CIT: variants seen among roughly 807,000 people sequenced by gnomAD.
The protein encoded by CIT is citron rho-interacting serine/threonine kinase.
A neutral mutation model predicts 272.7 loss-of-function variants in CIT; 79 were observed. The ratio of observed to expected loss-of-function variants is 0.29; its 90% CI spans 0.24 to 0.35. The LOEUF (loss-of-function observed/expected upper bound fraction) is 0.35. Among genes scored for constraint, CIT ranks in the 10% least tolerant of loss-of-function variants. CIT has a pLI of 1.00. For missense variants in CIT, 1,909 were observed against 2,618.3 expected, an observed-to-expected ratio of 0.73 and a Z score of 5.91; for synonymous variants, 948 against 995.6, an observed-to-expected ratio of 0.95 and a Z score of 0.90.
At chr12:119,819,619 T>A (rs1011128712) in intron 9 of CIT, among the ~76,000 whole-genome samples, 1 of 152,190 alleles carries the variant, frequency 6.6e-6, no homozygotes, top group Non-Finnish European at 1.5e-5. Flanking sequence ...CTAATGTTGC[T>A]TTTAACAAGG....
intron 13 of CIT, 183 bp downstream of exon 13, chr12:119,782,335 A>G (rs1964371660): frequency 3.6e-6 from 2 of 557,382 alleles, no homozygotes; most frequent in Non-Finnish European, 6.2e-6. Context: ...GCATTCTATG[A>G]TGTATATAAA....
chr12:119,692,377 T>C (rs1047079748), intron 46 of CIT, among the ~76,000 whole-genome samples: 7 of 152,254 alleles, frequency 4.6e-5, no homozygotes, highest in East Asian at 1.9e-4. Context: ...TGGAAGAGGC[T>C]ATAATTTTAT....
At chr12:119,834,020 A>C (rs1968827737) in intron 6 of CIT, 66 bp downstream of exon 6, 1 of 1,476,016 alleles carries the variant, frequency 6.8e-7, no homozygotes, top group Non-Finnish European at 9.2e-7. Flanking sequence ...ACTCATTTCC[A>C]TGCAGGAACT....
chr12:119,774,816 T>C (rs916480754), intron 16 of CIT, among the ~76,000 whole-genome samples: 2 of 151,016 alleles, frequency 1.3e-5, no homozygotes, highest in Non-Finnish European at 2.9e-5. Context: ...CTACAGAAAA[T>C]ACAGAAAATC....
At chr12:119,751,236 G>A (rs1029824952) in intron 23 of CIT, among the ~76,000 whole-genome samples, 1 of 152,074 alleles carries the variant, frequency 6.6e-6, no homozygotes, top group Non-Finnish European at 1.5e-5. Flanking sequence ...TGTGAAGATT[G>A]GCCACCCAGA....
At chr12:119,821,979 G>A (rs565521393) in intron 9 of CIT, among the ~76,000 whole-genome samples, 1 of 152,294 alleles carries the variant, frequency 6.6e-6, no homozygotes, top group African/African-American at 2.4e-5. Flanking sequence ...GAAGGTGCAA[G>A]CAATTATAAT....
Position 119,869,095 on chromosome 12 carries a change from A to T in CIT, c.203T>A (p.Met68Lys), listed in dbSNP as rs774709175. 6.2e-7 allele frequency: 1 copy of T among 1,612,424 alleles called. No homozygotes were observed. Among genetic ancestry groups the T allele is most frequent in the South Asian group, 1.1e-5 (1 of 90,652 alleles). The change falls in exon 3 of 48, where the codon ATG becomes AAG. Residue 68 changes from methionine (M) to lysine (K), a missense_variant. Transcript: ENST00000392521. ...AAAGTTGCTCACGTGCTTAATCTTC[A>T]TCAGAGCAGGCTGACTGCATTCTTC... Reference protein sequence around the residue: ...LFEECSQPALMKIKHVSNFVR... With the variant: ...LFEECSQPALKKIKHVSNFVR...
At chr12:119,853,477 C>T (rs1279860007) in intron 4 of CIT, among the ~76,000 whole-genome samples, 1 of 152,066 alleles carries the variant, frequency 6.6e-6, no homozygotes, top group Non-Finnish European at 1.5e-5. Context: ...CAGGGTCTCA[C>T]CATGTTACCT....
At chr12:119,795,108 G>C (rs575572078) in intron 10 of CIT, among the ~76,000 whole-genome samples, 1 of 152,204 alleles carries the variant, frequency 6.6e-6, no homozygotes, top group Non-Finnish European at 1.5e-5. Flanking sequence ...TGAGCCAGGC[G>C]TGGTGGCTCA....
Position 119,687,984 on chromosome 12 carries a change from T to G in CIT, c.*248A>C. On this transcript the variant is annotated 3_prime_UTR_variant, in exon 48 of 48. Coordinates refer to ENST00000392521, the MANE Select transcript of CIT (RefSeq NM_001206999.2). ...AAAGTTTGTGAATGCTTTGAAAGAGTAACAAAGTGCAAAGAGATGACTGCA... is the reference window on the plus strand; with the variant it reads ...AAAGTTTGTGAATGCTTTGAAAGAGGAACAAAGTGCAAAGAGATGACTGCA... 1 of 555,698 alleles carries G rather than the reference T, an allele frequency of 1.8e-6. No homozygotes were observed. Among genetic ancestry groups the G allele is most frequent in the Non-Finnish European group, 3.2e-6 (1 of 311,910 alleles). The allele number at this position is 555,698 out of a possible 1,614,324, so 34.4% of individuals were successfully genotyped here.
chr12:119,859,471 T>G (rs1809140738), intron 3 of CIT, among the ~76,000 whole-genome samples: 1 of 152,162 alleles, frequency 6.6e-6, no homozygotes. Flanking sequence ...GTGAGTGGCA[T>G]TTTAATGAAT....
chr12:119,784,365 G>C lies in CIT; in HGVS notation c.1402-314C>G, dbSNP rs1566039194. 7.8e-7 allele frequency: 1 copy of C among 1,289,804 alleles called. No individual in the cohort carries two copies. The highest frequency in any genetic ancestry group is 1.4e-5 in the South Asian group (1 of 70,638). 79.9% of individuals were successfully genotyped at this position (1,289,804 alleles called of 1,614,324 possible). On this transcript the variant is annotated intron_variant, in intron 11 of 47. Coordinates refer to ENST00000392521, the MANE Select transcript of CIT (RefSeq NM_001206999.2). The surrounding 1 kb of genome is among the most constrained non-coding windows in gnomAD (Gnocchi z 4.7). ...CTTTTGTTTTTGTTTTGTTTTTGCAGACGTCACTTTAATTTTATCCCAAAT... is the reference window on the plus strand; with the variant it reads ...CTTTTGTTTTTGTTTTGTTTTTGCACACGTCACTTTAATTTTATCCCAAAT...
Position 119,784,781 on chromosome 12 carries a change from A to T in CIT, c.1401+179T>A. On this transcript the variant is annotated intron_variant, in intron 11 of 47. Coordinates refer to ENST00000392521, the MANE Select transcript of CIT (RefSeq NM_001206999.2). The surrounding 1 kb of genome is among the most constrained non-coding windows in gnomAD (Gnocchi z 4.7). ...GATTTAAAGGATTTACAGCAACAGC[A>T]AGGCCCGAATTCATCTCCCTCTGAG... 7.0e-7 allele frequency: 1 copy of T among 1,427,486 alleles called. No homozygotes were observed. Among genetic ancestry groups the T allele is most frequent in the Non-Finnish European group, 9.1e-7 (1 of 1,093,870 alleles). 88.4% of individuals were successfully genotyped at this position (1,427,486 alleles called of 1,614,324 possible). A position where few individuals can be genotyped will look rare whatever the true frequency, so the allele number is the denominator to read the frequency against.
chr12:119,801,953 A>G (rs1468050930), intron 10 of CIT, among the ~76,000 whole-genome samples: 1 of 152,182 alleles, frequency 6.6e-6, no homozygotes, highest in East Asian at 1.9e-4. Flanking sequence ...CCTCCCTCAC[A>G]TTCAATCACA....
At chr12:119,858,763 A>C (rs1162453860) in intron 3 of CIT, among the ~76,000 whole-genome samples, 2 of 151,334 alleles carry the variant, frequency 1.3e-5, no homozygotes, top group Non-Finnish European at 2.9e-5. Context: ...CAGAGCTTGC[A>C]GTGAGCCGAG....
In CIT at chr12:119,734,316, T is replaced by C; in HGVS notation, c.3198A>G (p.Glu1066=). 1 of 1,613,854 alleles carries C rather than the reference T, an allele frequency of 6.2e-7. No homozygotes were observed. Among genetic ancestry groups the C allele is most frequent in the Non-Finnish European group, 8.5e-7 (1 of 1,179,998 alleles). Residue 1066 remains glutamate, a synonymous_variant, in exon 26 of 48, where the codon GAA becomes GAG. Coordinates refer to ENST00000392521, the MANE Select transcript of CIT (RefSeq NM_001206999.2). ...ALKTTCTMLE[E]QVMDLEALND... Reference sequence around the variant, plus strand: ...TTAGGGCCTCCAAATCCATGACCTGTTCCTCCAGCATGGTGCACGTGGTCT... The same window carrying C: ...TTAGGGCCTCCAAATCCATGACCTGCTCCTCCAGCATGGTGCACGTGGTCT...
chr12:119,859,934 A>C (rs1278725637), intron 3 of CIT, among the ~76,000 whole-genome samples: 1 of 152,148 alleles, frequency 6.6e-6, no homozygotes, highest in Non-Finnish European at 1.5e-5. Context: ...CACCCACCTC[A>C]TTCTCCAGAG....
At chr12:119,808,640 A>G (rs897678238) in intron 9 of CIT, among the ~76,000 whole-genome samples, 2 of 152,238 alleles carry the variant, frequency 1.3e-5, no homozygotes, top group African/African-American at 4.8e-5. Flanking sequence ...ATGAAGGCAC[A>G]TAAATAATTA....
chr12:119,767,202 C>G lies in CIT; in HGVS notation c.2209-20G>C. On this transcript the variant is annotated intron_variant, in intron 18 of 47. Coordinates refer to ENST00000392521, the MANE Select transcript of CIT (RefSeq NM_001206999.2). ...GAGCTCCTAGACACAAAAGAAAAGACAGTCAGGTGTGCAGAGGGCAGGACA... is the reference window on the plus strand; with the variant it reads ...GAGCTCCTAGACACAAAAGAAAAGAGAGTCAGGTGTGCAGAGGGCAGGACA... The G allele has an allele frequency of 6.3e-7, 1 of 1,590,824 alleles. No homozygotes were observed. Among genetic ancestry groups the G allele is most frequent in the Non-Finnish European group, 8.6e-7 (1 of 1,165,994 alleles).
Sources: allele counts gnomAD v4.1 joint callset (sites outside exome capture counted in the v4.1 genomes callset), GRCh38; gene constraint gnomAD v4.1.1; non-coding constraint Gnocchi (gnomAD v3.1); transcripts MANE v1.5; gene names NCBI Gene and HGNC (gene_info 2026-07-23, HGNC 2026-07-21).